Variants in TRAK2 observed in about 807,000 individuals in gnomAD.
TRAK2 encodes the protein trafficking kinesin-binding protein 2.
In TRAK2, 81 loss-of-function variants were observed where a neutral mutation model predicts 104.6. The observed-to-expected ratio is 0.77, with a 90% CI of 0.65 to 0.93. The LOEUF is 0.93. TRAK2 is among the 40% of genes least tolerant of loss of function. TRAK2 has a pLI of 0.00. For missense variants in TRAK2, 1,002 were observed against 1,089.0 expected (o/e 0.92, Z 1.12); for synonymous variants, 406 against 394.4 (o/e 1.03, Z -0.35).
chr2:201,387,643 C>A, intron 13 of TRAK2, 60 bp downstream of exon 13: 1 of 1,464,946 alleles, frequency 6.8e-7, no homozygotes, highest in South Asian at 1.4e-5. Context: ...ATCTCAATTC[C>A]AGGGAAAGGA....
At position 201,399,446 on chromosome 2, in the gene TRAK2, T is replaced by C; in HGVS notation, c.411A>G (p.Leu137=). ...GCTCAGATAAGACATGGTTCCGCTTTAAGAGAGCTTGTCCAATTCGAGCAG... is the reference window on the plus strand; with the variant it reads ...GCTCAGATAAGACATGGTTCCGCTTCAAGAGAGCTTGTCCAATTCGAGCAG... ...ELAARIGQAL[L]KRNHVLSEQN... The change falls in exon 5 of 16, where the codon TTA becomes TTG. Residue 137 remains leucine (L), a synonymous_variant. Transcript: ENST00000332624. 1 of 1,612,820 alleles carries C rather than the reference T, an allele frequency of 6.2e-7. No individual in the cohort carries two copies. The highest frequency in any genetic ancestry group is 8.5e-7 in the Non-Finnish European group (1 of 1,179,026).
chr2:201,420,526 T>C lies in TRAK2; in HGVS notation c.-19A>G, dbSNP rs1334892171. ...GACTCATGCAGGATCCTTTCTTGCT[T>C]TGGTTGAGAAGGACAGCTTTGGTAT... On this transcript the variant is annotated 5_prime_UTR_variant, in exon 2 of 16. Transcript: ENST00000332624. 1 of 1,605,324 alleles carries C rather than the reference T, an allele frequency of 6.2e-7. No homozygotes were observed. The highest frequency in any genetic ancestry group is 8.5e-7 in the Non-Finnish European group (1 of 1,172,218).
chr2:201,401,649 T>C (rs1197003689), intron 3 of TRAK2, among the ~76,000 whole-genome samples: 1 of 152,114 alleles, frequency 6.6e-6, no homozygotes, highest in African/African-American at 2.4e-5. Context: ...TTAAAAACCC[T>C]TTACTTGTAT....
At chr2:201,414,907 A>G (rs1217909247) in intron 2 of TRAK2, among the ~76,000 whole-genome samples, 1 of 151,468 alleles carries the variant, frequency 6.6e-6, no homozygotes, top group South Asian at 2.1e-4. Flanking sequence ...TCTCTTCTAG[A>G]CTAGAATAAT....
At chr2:201,387,501 C>T (rs1471417621) in intron 13 of TRAK2, among the ~76,000 whole-genome samples, 1 of 152,178 alleles carries the variant, frequency 6.6e-6, no homozygotes, top group African/African-American at 2.4e-5. Flanking sequence ...GAACTGCTGG[C>T]TGATGATTCA....
Position 201,401,034 on chromosome 2 carries a change from G to A in TRAK2, c.347C>T (p.Thr116Ile). Reference protein sequence around the residue: ...TKTYNDIDMVTHLLAERDRDL... With the variant: ...TKTYNDIDMVIHLLAERDRDL... ...TATTCCTACCTCTGCCAGGAGATGT[G>A]TAACCATGTCGATGTCATTGTAAGT... Residue 116 changes from threonine (T) to isoleucine (I), a missense_variant, in exon 4 of 16, where the codon ACA becomes ATA. Thr to Ile is a moderately conservative substitution (Grantham distance 89, BLOSUM62 -1). Coordinates refer to ENST00000332624, the MANE Select transcript of TRAK2 (RefSeq NM_015049.3). 6.2e-7 allele frequency: 1 copy of A among 1,611,232 alleles called. No individual in the cohort carries two copies. The highest frequency in any genetic ancestry group is 8.5e-7 in the Non-Finnish European group (1 of 1,177,990).
intron 10 of TRAK2, 39 bp from the exon 11 acceptor site, chr2:201,389,919 C>T (rs374077444): frequency 7.9e-6 from 12 of 1,521,128 alleles, no homozygotes; most frequent in Non-Finnish European, 1.1e-5. Flanking sequence ...GTGATTGTTG[C>T]CCTTAAATTA....
intron 1 of TRAK2, among the ~76,000 whole-genome samples, chr2:201,435,858 T>C (rs1294873050): frequency 1.3e-5 from 2 of 152,086 alleles, no homozygotes; most frequent in Non-Finnish European, 2.9e-5. Flanking sequence ...AGAGGTCTCA[T>C]GGTGATGGCA....
chr2:201,381,345 G>A (rs1171130423), intron 15 of TRAK2, 127 bp from the exon 16 acceptor site: 25 of 811,018 alleles, frequency 3.1e-5, no homozygotes, highest in Non-Finnish European at 4.0e-5. Flanking sequence ...AAACACATCC[G>A]TAACTGTATG....
chr2:201,411,030 T>C (rs1201246649), intron 2 of TRAK2: 1 of 1,326,572 alleles, frequency 7.5e-7, no homozygotes, highest in Non-Finnish European at 1.1e-6. Context: ...ATTTGTCAAA[T>C]TTCTCTTTGT....
At position 201,401,207 on chromosome 2, in the gene TRAK2, C is replaced by G. The variant is rs554848602; in HGVS notation, c.287-113G>C. ...AAAACCCCAGCCTTTTACAAAAAGTCATTCAGGAGAATAAAAATATATGTG... is the reference window on the plus strand; with the variant it reads ...AAAACCCCAGCCTTTTACAAAAAGTGATTCAGGAGAATAAAAATATATGTG... On this transcript the variant is annotated intron_variant, in intron 3 of 15. Coordinates refer to ENST00000332624, the MANE Select transcript of TRAK2 (RefSeq NM_015049.3). The G allele has an allele frequency of 5.1e-6, 3 of 583,296 alleles. No homozygotes were observed. In the African/African-American group the frequency reaches 5.8e-5, roughly 11 times the overall value. The allele number at this position is 583,296 out of a possible 1,614,324, so 36.1% of individuals were successfully genotyped here. A position where few individuals can be genotyped will look rare whatever the true frequency, so the allele number is the denominator to read the frequency against.
chr2:201,412,518 A>G (rs1045223937), intron 2 of TRAK2: 2 of 1,186,816 alleles, frequency 1.7e-6, no homozygotes, highest in African/African-American at 1.5e-5. Context: ...CTTCAAATAT[A>G]TGTTTCCTTT....
chr2:201,411,175 T>A, intron 2 of TRAK2: 1 of 743,880 alleles, frequency 1.3e-6, no homozygotes, highest in Non-Finnish European at 2.4e-6. Context: ...AATGTGTCTG[T>A]CAAGTCCTTA....
chr2:201,445,892 T>A (rs367879769), intron 1 of TRAK2, among the ~76,000 whole-genome samples: 1 of 152,248 alleles, frequency 6.6e-6, no homozygotes. Context: ...AATTTTGGAA[T>A]GGAGAGATTA....
Position 201,378,839 on chromosome 2 carries a change from T to C in TRAK2, c.*1704A>G, listed in dbSNP as rs1258995414. 1 of 152,180 alleles carries C rather than the reference T, an allele frequency of 6.6e-6. No individual in the cohort carries two copies. Among genetic ancestry groups the C allele is most frequent in the Non-Finnish European group, 1.5e-5 (1 of 68,024 alleles). The allele number at this position is 152,180 out of a possible 1,614,324, so 9.4% of individuals were successfully genotyped here. A position where few individuals can be genotyped will look rare whatever the true frequency, so the allele number is the denominator to read the frequency against. On this transcript the variant is annotated 3_prime_UTR_variant, in exon 16 of 16. Transcript: ENST00000332624. ...TAAGAAACTAACAAATTTTTACCACTGCATTCATGTTGGCTTTTTGAGCAC... is the reference window on the plus strand; with the variant it reads ...TAAGAAACTAACAAATTTTTACCACCGCATTCATGTTGGCTTTTTGAGCAC...
chr2:201,440,226 A>G (rs371759066), intron 1 of TRAK2, among the ~76,000 whole-genome samples: 2 of 151,734 alleles, frequency 1.3e-5, no homozygotes, highest in Middle Eastern at 3.4e-3. Flanking sequence ...TTTTTTTTTT[A>G]AGATTTTAAG....
chr2:201,397,392 A>G (rs1951511532), intron 7 of TRAK2, 110 bp downstream of exon 7: 1 of 663,112 alleles, frequency 1.5e-6, no homozygotes, highest in African/African-American at 1.8e-5. Flanking sequence ...ACCATTTAAA[A>G]TTGTTTCTTG....
At chr2:201,419,345 T>C (rs1374273557) in intron 2 of TRAK2, 1 of 154,446 alleles carries the variant, frequency 6.5e-6, no homozygotes, top group Non-Finnish European at 1.5e-5. Flanking sequence ...TGTCCAAGGC[T>C]GCTTTTCTGC....
At chr2:201,435,187 G>T (rs527460343) in intron 1 of TRAK2, among the ~76,000 whole-genome samples, 1 of 152,100 alleles carries the variant, frequency 6.6e-6, no homozygotes, top group African/African-American at 2.4e-5. Context: ...CTCCCAAGTA[G>T]CCTGGACTAC....
Sources: gnomAD v4.1 joint callset for allele counts (sites outside exome capture counted in the v4.1 genomes callset) on GRCh38, gnomAD v4.1.1 for gene constraint, MANE v1.5 for transcripts, NCBI Gene and HGNC (gene_info 2026-07-23, HGNC 2026-07-21) for gene names.